Variants in DDX6 observed in about 807,000 individuals in gnomAD.
DDX6 encodes DEAD-box helicase 6, also known as probable ATP-dependent RNA helicase DDX6.
DDX6 carries 7 observed loss-of-function variants against 60.6 expected under a neutral mutation model. That is an observed-to-expected ratio of 0.12 (90% CI 0.07 to 0.22). The LOEUF (loss-of-function observed/expected upper bound fraction) is 0.22, where lower values mean the gene tolerates loss of function less well. DDX6 is among the 10% of genes least tolerant of loss of function. The pLI, the probability that DDX6 is intolerant of heterozygous loss-of-function variation, is 1.00. For missense variants in DDX6, 270 were observed against 589.9 expected (o/e 0.46, Z 5.62); for synonymous variants, 207 against 201.0 (o/e 1.03, Z -0.25).
At chr11:118,768,081 C>T (rs868969310) in intron 5 of DDX6, 142 bp downstream of exon 5, 4 of 804,730 alleles carry the variant, frequency 5.0e-6, no homozygotes, top group South Asian at 2.3e-5. Flanking sequence ...CATCATCAGG[C>T]TAAAAAAAGA....
chr11:118,768,648 C>T lies in DDX6; in HGVS notation c.370-296G>A, dbSNP rs782272767. Among the ~76,000 whole-genome samples the T allele has an allele frequency of 1.8e-4, 27 of 152,214 alleles. No homozygotes were observed. The South Asian group carries it at 1.9e-3, about 11-fold the overall frequency. ...GAGAACAACAAAGAAAATGGAGGAACTCAGGCTGACCCATAAATAGCACTT... is the reference window on the plus strand; with the variant it reads ...GAGAACAACAAAGAAAATGGAGGAATTCAGGCTGACCCATAAATAGCACTT... On this transcript the variant is annotated intron_variant, in intron 4 of 13. Transcript: ENST00000534980.
At chr11:118,773,160 G>C (rs1465365400) in intron 4 of DDX6, among the ~76,000 whole-genome samples, 1 of 152,168 alleles carries the variant, frequency 6.6e-6, no homozygotes, top group South Asian at 2.1e-4. Flanking sequence ...CTAGCATTGA[G>C]AGGCATTTTA....
At position 118,786,247 on chromosome 11, in the gene DDX6, C is replaced by A; in HGVS notation, c.5G>T (p.Ser2Ile). Reference protein sequence around the residue: MSTARTENPVIM... With the variant: MITARTENPVIM... ...AACAGGGTTCTCTGTTCTGGCCGTG[C>A]TCATGCTGTTTTAATTGCAAAGGTC... The change falls in exon 2 of 14, where the codon AGC becomes ATC. Residue 2 changes from serine (S) to isoleucine (I), a missense_variant. Ser to Ile is a moderately radical substitution (Grantham distance 142). Coordinates refer to ENST00000534980, the MANE Select transcript of DDX6 (RefSeq NM_004397.6). 1 of 1,597,020 alleles carries A rather than the reference C, an allele frequency of 6.3e-7. No individual in the cohort carries two copies. Among genetic ancestry groups the A allele is most frequent in the Non-Finnish European group, 8.5e-7 (1 of 1,171,618 alleles).
chr11:118,757,090 A>G, intron 10 of DDX6, 81 bp downstream of exon 10: 1 of 752,656 alleles, frequency 1.3e-6, no homozygotes, highest in Non-Finnish European at 2.0e-6. Context: ...TCTTAAACTC[A>G]GGACATTTAA....
At chr11:118,768,429 G>A (rs930840154) in intron 4 of DDX6, 77 bp from the exon 5 acceptor site, 5 of 1,501,108 alleles carry the variant, frequency 3.3e-6, no homozygotes, top group Non-Finnish European at 4.6e-6. Flanking sequence ...TACACTGAAG[G>A]ATACCTCTTT....
At chr11:118,759,814 A>C in intron 8 of DDX6, 108 bp downstream of exon 8, 1 of 1,246,700 alleles carries the variant, frequency 8.0e-7, no homozygotes, top group Non-Finnish European at 1.1e-6. Context: ...CAAAGGCTTG[A>C]AATAATTAGC....
At chr11:118,765,089 CCTTTT>C in intron 6 of DDX6, 115 bp downstream of exon 6, 1 of 1,195,266 alleles carries the variant, frequency 8.4e-7, no homozygotes, top group South Asian at 1.5e-5. Flanking sequence ...GTGGTCATTT[CCTTTT>C]CTTACTGCAG....
At chr11:118,768,393 G>C in intron 4 of DDX6, 41 bp from the exon 5 acceptor site, 2 of 1,604,132 alleles carry the variant, frequency 1.2e-6, no homozygotes, top group Non-Finnish European at 1.7e-6. Flanking sequence ...TCTGAATGTA[G>C]TACACAAGCA....
chr11:118,759,851 T>C (rs189225752), intron 8 of DDX6, 71 bp downstream of exon 8: 1 of 1,486,690 alleles, frequency 6.7e-7, no homozygotes, highest in Non-Finnish European at 9.1e-7. Flanking sequence ...GATATGAAGA[T>C]GTAATTACAA....
chr11:118,764,186 A>G (rs1243146224), intron 6 of DDX6, among the ~76,000 whole-genome samples: 6 of 152,218 alleles, frequency 3.9e-5, no homozygotes, highest in Non-Finnish European at 8.8e-5. Flanking sequence ...CAATACAAAG[A>G]ATGTATCACA....
In DDX6 at chr11:118,755,413, A is replaced by G; in HGVS notation, c.1265T>C (p.Ile422Thr). The G allele has an allele frequency of 1.2e-6, 2 of 1,604,606 alleles. No homozygotes were observed. The highest frequency in any genetic ancestry group is 1.7e-6 in the Non-Finnish European group (2 of 1,171,902). ...PKLAETYLHRIGRSGRFGHLG... is the reference protein window; with the variant it reads ...PKLAETYLHRTGRSGRFGHLG... ...TCTTTTTTCCTCACCTGATCTTCCA[A>G]TACGATGGAGATAGGTCTCTGCCAG... Residue 422 changes from isoleucine (I) to threonine (T), a missense_variant, in exon 12 of 14, where the codon ATT becomes ACT. Around this residue, in one of 8 missense-constraint regions of DDX6, gnomAD observed 2 missense variants for 27.8 expected, o/e 0.07. Coordinates refer to ENST00000534980, the MANE Select transcript of DDX6 (RefSeq NM_004397.6).
At position 118,758,669 on chromosome 11, in the gene DDX6, A is replaced by C. The variant is rs1032441643; in HGVS notation, c.993+105T>G. ...CATGAGCCACCGTGCCAAGCCAGAA[A>C]CACTACGAACTTTTATACAGTGAAG... On this transcript the variant is annotated intron_variant, in intron 9 of 13. Coordinates refer to ENST00000534980, the MANE Select transcript of DDX6 (RefSeq NM_004397.6). 1.1e-5 allele frequency: 15 copies of C among 1,395,866 alleles called. No individual in the cohort carries two copies. The Admixed American group carries it at 1.9e-4, about 18-fold the overall frequency. The allele number at this position is 1,395,866 out of a possible 1,614,324, so 86.5% of individuals were successfully genotyped here.
At chr11:118,775,674 G>A (rs1359715782) in intron 4 of DDX6, among the ~76,000 whole-genome samples, 1 of 152,224 alleles carries the variant, frequency 6.6e-6, no homozygotes, top group African/African-American at 2.4e-5. Context: ...CTGTGAGGGA[G>A]AGTACTTATT....
intron 4 of DDX6, among the ~76,000 whole-genome samples, chr11:118,770,279 C>T (rs1419855922): frequency 4.0e-5 from 6 of 150,140 alleles, no homozygotes; most frequent in Non-Finnish European, 8.9e-5. Flanking sequence ...CCACCGACCT[C>T]GGCCTCCCAA....
At chr11:118,790,417 T>A (rs1345989132) in intron 1 of DDX6, 1 of 151,986 alleles carries the variant, frequency 6.6e-6, no homozygotes, top group Non-Finnish European at 1.5e-5. Context: ...CCCCCTCCTT[T>A]CCTCCAAGAG....
At position 118,748,737 on chromosome 11, in the gene DDX6, C is replaced by T. The variant is rs1465175451; in HGVS notation, c.*3368G>A. ...TTCTGGGGCAAAGTACCCTCCCTCC[C>T]ACCCCTATTAAAAAAAAAAATTAAA... On this transcript the variant is annotated 3_prime_UTR_variant, in exon 14 of 14. Coordinates refer to ENST00000534980, the MANE Select transcript of DDX6 (RefSeq NM_004397.6). The T allele has an allele frequency of 6.6e-6, 1 of 150,584 alleles. No homozygotes were observed. Among genetic ancestry groups the T allele is most frequent in the Non-Finnish European group, 1.5e-5 (1 of 67,764 alleles). The allele number at this position is 150,584 out of a possible 1,614,324, so 9.3% of individuals were successfully genotyped here. A position where few individuals can be genotyped will look rare whatever the true frequency, so the allele number is the denominator to read the frequency against.
intron 7 of DDX6, among the ~76,000 whole-genome samples, chr11:118,761,797 CT>C (rs1210819509): frequency 6.8e-6 from 1 of 147,220 alleles, no homozygotes; most frequent in Non-Finnish European, 1.5e-5. Context: ...AGTTGGATGT[CT>C]ACATACTATA....
At position 118,751,443 on chromosome 11, in the gene DDX6, T is replaced by A. The variant is rs1454755092; in HGVS notation, c.*662A>T. On this transcript the variant is annotated 3_prime_UTR_variant, in exon 14 of 14. Coordinates refer to ENST00000534980, the MANE Select transcript of DDX6 (RefSeq NM_004397.6). ...CTCCTCCCCAAAAAGAAAAAAAAAA[T>A]GGTGTTTAACATTACTAGTGAGTTT... The A allele has an allele frequency of 1.3e-5, 2 of 151,088 alleles. No individual in the cohort carries two copies. Among genetic ancestry groups the A allele is most frequent in the African/African-American group, 4.9e-5 (2 of 41,138 alleles). 9.4% of individuals were successfully genotyped at this position (151,088 alleles called of 1,614,324 possible).
At chr11:118,777,861 CCTCT>C (rs1313110625) in intron 4 of DDX6, among the ~76,000 whole-genome samples, 2 of 141,640 alleles carry the variant, frequency 1.4e-5, no homozygotes, top group African/African-American at 5.2e-5. Context: ...TGCACTCCAG[CCTCT>C]CTGACAGAGC....
Sources: gnomAD v4.1 joint callset for allele counts (sites outside exome capture counted in the v4.1 genomes callset) on GRCh38, gnomAD v4.1.1 for gene constraint, gnomAD v4.1.1 regional missense constraint, MANE v1.5 for transcripts, NCBI Gene and HGNC (gene_info 2026-07-23, HGNC 2026-07-21) for gene names.